The following PRIM2 variants were observed in gnomAD, a reference collection of about 807,000 sequenced individuals.
The protein encoded by PRIM2 is DNA primase large subunit.
PRIM2 carries 39 observed loss-of-function variants against 67.3 expected under a neutral mutation model. That is an observed-to-expected ratio of 0.58 (90% CI 0.45 to 0.76). The LOEUF is 0.76. Among genes scored for constraint, PRIM2 ranks in the 30% least tolerant of loss-of-function variants. PRIM2 has a pLI of 0.00. For synonymous variants in PRIM2, 143 were observed against 198.7 expected (o/e 0.72, Z 2.36); for missense variants, 398 against 598.7 (o/e 0.66, Z 3.50).
chr6:57,226,761 C>T, the PRIM2 span, among the ~76,000 whole-genome samples: 23 of 152,144 alleles, frequency 1.5e-4, no homozygotes, highest in Non-Finnish European at 2.6e-4. Context: ...GAGATGGTTA[C>T]AGGGGTGATA....
At chr6:57,444,940 T>C (rs1038079501) in intron 7 of PRIM2, among the ~76,000 whole-genome samples, 1 of 151,862 alleles carries the variant, frequency 6.6e-6, no homozygotes, top group African/African-American at 2.4e-5. Context: ...AGCAGAGTAA[T>C]GCTCATGTTG....
intron 7 of PRIM2, among the ~76,000 whole-genome samples, chr6:57,389,493 T>C (rs890730392): frequency 6.6e-6 from 1 of 152,136 alleles, no homozygotes; most frequent in African/African-American, 2.4e-5. Context: ...TTCCAAAAAA[T>C]GTATTTATAC....
At chr6:57,328,198 G>T (rs896683564) in intron 5 of PRIM2, among the ~76,000 whole-genome samples, 1 of 152,150 alleles carries the variant, frequency 6.6e-6, no homozygotes, top group Non-Finnish European at 1.5e-5. Flanking sequence ...TAGATTTATT[G>T]AGCTAGAATT....
chr6:57,431,107 G>A (rs1297056699), intron 7 of PRIM2, among the ~76,000 whole-genome samples: 1 of 152,046 alleles, frequency 6.6e-6, no homozygotes, highest in Non-Finnish European at 1.5e-5. Context: ...CACAATCTTC[G>A]TCGTGTCCCT....
chr6:57,459,186 C>G (rs1238188485), intron 7 of PRIM2, among the ~76,000 whole-genome samples: 1 of 152,142 alleles, frequency 6.6e-6, no homozygotes, highest in Admixed American at 6.5e-5. Flanking sequence ...TTAATAATGC[C>G]TATCTCACAG....
chr6:57,531,149 TTTTG>T (rs1213720951), intron 8 of PRIM2, among the ~76,000 whole-genome samples: 5 of 152,162 alleles, frequency 3.3e-5, no homozygotes, highest in Non-Finnish European at 5.9e-5. Flanking sequence ...TATCTGGATT[TTTTG>T]TTTGTTTGTT....
chr6:57,491,358 AAGTATTTCTCAAC>A (rs1266814123), intron 7 of PRIM2, among the ~76,000 whole-genome samples: 1 of 152,212 alleles, frequency 6.6e-6, no homozygotes, highest in African/African-American at 2.4e-5. Flanking sequence ...GCATTTGATA[AAGTATTTCTCAAC>A]ATAATAAGGG....
chr6:57,395,393 T>G (rs28878176), intron 7 of PRIM2, among the ~76,000 whole-genome samples: 2 of 151,994 alleles, frequency 1.3e-5, no homozygotes, highest in Non-Finnish European at 2.9e-5. Flanking sequence ...AGCTAGGAGG[T>G]TTGTATTTTT....
chr6:57,358,039 G>A (rs1360733939), intron 5 of PRIM2, among the ~76,000 whole-genome samples: 1 of 152,186 alleles, frequency 6.6e-6, no homozygotes, highest in Non-Finnish European at 1.5e-5. Flanking sequence ...ATGTATGTTG[G>A]TTGAACAAAG....
chr6:57,641,575 A>G (rs1307175796), intron 13 of PRIM2, among the ~76,000 whole-genome samples: 9 of 152,350 alleles, frequency 5.9e-5, no homozygotes, highest in Non-Finnish European at 1.2e-4. Flanking sequence ...GGCCTAGGAT[A>G]TGAACAGACA....
At chr6:57,281,211 T>G in the PRIM2 span, among the ~76,000 whole-genome samples, 1 of 152,230 alleles carries the variant, frequency 6.6e-6, no homozygotes, top group Non-Finnish European at 1.5e-5. Context: ...TGATGAGTAC[T>G]TTGGTTGATT....
At chr6:57,576,594 C>T (rs1170364567) in intron 10 of PRIM2, among the ~76,000 whole-genome samples, 3 of 151,510 alleles carry the variant, frequency 2.0e-5, no homozygotes, top group Non-Finnish European at 3.0e-5. Context: ...GATCCTTTAT[C>T]GTCATTCACA....
chr6:57,345,559 T>A (rs1206223550), intron 5 of PRIM2, among the ~76,000 whole-genome samples: 2 of 150,604 alleles, frequency 1.3e-5, no homozygotes, highest in Non-Finnish European at 2.9e-5. Flanking sequence ...ACACTAAATA[T>A]AATTTTCAGT....
At chr6:57,452,085 A>G (rs1772572949) in intron 7 of PRIM2, among the ~76,000 whole-genome samples, 1 of 152,066 alleles carries the variant, frequency 6.6e-6, no homozygotes, top group South Asian at 2.1e-4. Context: ...TTCCAGCTTC[A>G]TCCATGTCCC....
At chr6:57,252,328 G>A in the PRIM2 span, among the ~76,000 whole-genome samples, 1 of 152,122 alleles carries the variant, frequency 6.6e-6, no homozygotes, top group Non-Finnish European at 1.5e-5. Flanking sequence ...AATTTTATAC[G>A]CATTATTTAA....
rs1770599093 is a variant in PRIM2 at position 57,398,524 on chromosome 6, T to C, written c.693+16356T>C. Among the ~76,000 whole-genome samples, 3 of 152,142 alleles carry C rather than the reference T, an allele frequency of 2.0e-5. No homozygotes were observed. In the South Asian group the frequency reaches 6.2e-4, roughly 32 times the overall value. Reference sequence around the variant, plus strand: ...TGGTCCGTGAGTGTGTTTGTTATGATTTATGTTATTTTGCATTTGCTGAGG... The same window carrying C: ...TGGTCCGTGAGTGTGTTTGTTATGACTTATGTTATTTTGCATTTGCTGAGG... On this transcript the variant is annotated intron_variant, in intron 7 of 13. Transcript: ENST00000615550.
intron 7 of PRIM2, among the ~76,000 whole-genome samples, chr6:57,438,647 T>C (rs1181802151): frequency 6.6e-6 from 1 of 152,220 alleles, no homozygotes; most frequent in Non-Finnish European, 1.5e-5. Context: ...TTATGGAGTC[T>C]ATTTAAAGAC....
At chr6:57,347,610 C>A (rs1399061368) in intron 5 of PRIM2, among the ~76,000 whole-genome samples, 1 of 152,158 alleles carries the variant, frequency 6.6e-6, no homozygotes, top group African/African-American at 2.4e-5. Context: ...CCCTGCCTGG[C>A]TAATTTTTTC....
chr6:57,359,767 A>T (rs1581826364), intron 5 of PRIM2, among the ~76,000 whole-genome samples: 1 of 152,224 alleles, frequency 6.6e-6, no homozygotes. Context: ...AAATTCCAAT[A>T]ATTAGTTGAG....
Sources: gnomAD v4.1 joint callset for allele counts (sites outside exome capture counted in the v4.1 genomes callset) on GRCh38, gnomAD v4.1.1 for gene constraint, MANE v1.5 for transcripts, NCBI Gene and HGNC (gene_info 2026-07-23, HGNC 2026-07-21) for gene names.